The following RSPO3 variants were observed in gnomAD, a reference collection of about 807,000 sequenced individuals.
RSPO3 encodes R-spondin-3.
Under a neutral mutation model 36.5 loss-of-function variants are expected in RSPO3, and 17 were observed. That is an observed-to-expected ratio of 0.47 (90% CI 0.32 to 0.70). The LOEUF is 0.70. RSPO3 is among the 30% of genes least tolerant of loss of function. The pLI, the probability that RSPO3 is intolerant of heterozygous loss-of-function variation, is 0.04. For synonymous variants in RSPO3, 108 were observed against 107.0 expected (o/e 1.01, Z -0.06); for missense variants, 294 against 322.5 (o/e 0.91, Z 0.68).
chr6:127,130,836 GT>G (rs978299141), intron 1 of RSPO3, among the ~76,000 whole-genome samples: 7 of 151,256 alleles, frequency 4.6e-5, no homozygotes, highest in South Asian at 2.1e-4. Flanking sequence ...TTTATGATGA[GT>G]TTTTTTTTAT....
intron 1 of RSPO3, among the ~76,000 whole-genome samples, chr6:127,140,284 C>G (rs1774244348): frequency 6.6e-6 from 1 of 152,056 alleles, no homozygotes; most frequent in Non-Finnish European, 1.5e-5. Context: ...TTTATTCTTT[C>G]TTTGTTCTTA....
intron 4 of RSPO3, among the ~76,000 whole-genome samples, chr6:127,164,483 T>G (rs1774774356): frequency 6.6e-6 from 1 of 152,112 alleles, no homozygotes; most frequent in Non-Finnish European, 1.5e-5. Flanking sequence ...ACGTTCAGGA[T>G]AATGCTAAGA....
intron 1 of RSPO3, 93 bp downstream of exon 1, chr6:127,119,382 G>T: frequency 1.1e-6 from 1 of 885,100 alleles, no homozygotes; most frequent in Non-Finnish European, 1.9e-6. Context: ...CAACTGCAGC[G>T]GTCCTCCCGC....
intron 4 of RSPO3, among the ~76,000 whole-genome samples, chr6:127,176,738 G>A (rs190063890): frequency 3.3e-4 from 50 of 151,770 alleles, no homozygotes; most frequent in Non-Finnish European, 5.9e-4. Context: ...CTACTCCAGG[G>A]TTTTATAATT....
At chr6:127,182,357 C>T (rs1013208980) in intron 4 of RSPO3, among the ~76,000 whole-genome samples, 1 of 151,878 alleles carries the variant, frequency 6.6e-6, no homozygotes, top group South Asian at 2.1e-4. Flanking sequence ...GTTTACTTTG[C>T]TCAGAAAATA....
chr6:127,123,965 T>C (rs1444521622), intron 1 of RSPO3, among the ~76,000 whole-genome samples: 1 of 152,204 alleles, frequency 6.6e-6, no homozygotes, highest in African/African-American at 2.4e-5. Flanking sequence ...TTTTAGATTA[T>C]TTGAATCTGG....
At chr6:127,119,535 C>T (rs1483137195) in intron 1 of RSPO3, among the ~76,000 whole-genome samples, 1 of 152,236 alleles carries the variant, frequency 6.6e-6, no homozygotes, top group Non-Finnish European at 1.5e-5. Flanking sequence ...GTGGCTCCCG[C>T]CCCATGGTAA....
At chr6:127,161,010 C>A (rs1436275790) in intron 4 of RSPO3, among the ~76,000 whole-genome samples, 5 of 151,668 alleles carry the variant, frequency 3.3e-5, no homozygotes, top group Non-Finnish European at 5.9e-5. Flanking sequence ...TTCTTTCCCA[C>A]CACCTCCAAT....
intron 4 of RSPO3, among the ~76,000 whole-genome samples, chr6:127,164,183 A>C (rs1240894336): frequency 1.3e-5 from 2 of 152,088 alleles, no homozygotes; most frequent in Non-Finnish European, 2.9e-5. Flanking sequence ...ACTGTGGCAG[A>C]GGAATTGGGG....
At chr6:127,164,173 A>C (rs1205783549) in intron 4 of RSPO3, among the ~76,000 whole-genome samples, 1 of 152,058 alleles carries the variant, frequency 6.6e-6, no homozygotes, top group Non-Finnish European at 1.5e-5. Flanking sequence ...ACTTTGAATC[A>C]CTGTGGCAGA....
At chr6:127,129,349 G>A (rs1236045537) in intron 1 of RSPO3, among the ~76,000 whole-genome samples, 8 of 152,022 alleles carry the variant, frequency 5.3e-5, no homozygotes, top group Non-Finnish European at 4.4e-5. Context: ...CATAAACTGG[G>A]GAAAGTTCCA....
intron 4 of RSPO3, among the ~76,000 whole-genome samples, chr6:127,188,978 C>A (rs2114266146): frequency 6.6e-6 from 1 of 152,180 alleles, no homozygotes; most frequent in East Asian, 1.9e-4. Flanking sequence ...GTTAGGAACC[C>A]TCCTTATCCT....
At chr6:127,159,736 C>A (rs1182601693) in intron 4 of RSPO3, among the ~76,000 whole-genome samples, 4 of 149,496 alleles carry the variant, frequency 2.7e-5, no homozygotes, top group South Asian at 2.1e-4. Context: ...GCAACCTCTG[C>A]CTCCTGAGTT....
chr6:127,190,259 T>C (rs1490699119), intron 4 of RSPO3, among the ~76,000 whole-genome samples: 1 of 151,824 alleles, frequency 6.6e-6, no homozygotes, highest in East Asian at 1.9e-4. Context: ...CCAAACCCCA[T>C]CTCTACTAAA....
At chr6:127,173,252 G>T (rs1774978794) in intron 4 of RSPO3, among the ~76,000 whole-genome samples, 2 of 151,660 alleles carry the variant, frequency 1.3e-5, no homozygotes, top group African/African-American at 4.8e-5. Context: ...TTCCCCTTTT[G>T]CTTCAAATCA....
At chr6:127,131,387 T>A (rs975802805) in intron 1 of RSPO3, among the ~76,000 whole-genome samples, 5 of 152,138 alleles carry the variant, frequency 3.3e-5, no homozygotes, top group African/African-American at 4.8e-5. Context: ...GCCTCTGAAC[T>A]GAGTATGTGC....
chr6:127,165,870 T>C (rs544208473), intron 4 of RSPO3, among the ~76,000 whole-genome samples: 4 of 152,112 alleles, frequency 2.6e-5, no homozygotes, highest in African/African-American at 7.2e-5. Context: ...ACAAAAGCTG[T>C]ATTTTTAATA....
intron 1 of RSPO3, among the ~76,000 whole-genome samples, chr6:127,146,676 C>T (rs980717349): frequency 8.5e-5 from 13 of 152,196 alleles, no homozygotes; most frequent in African/African-American, 3.1e-4. Flanking sequence ...GATGGATTGG[C>T]ATGGACCAAT....
intron 1 of RSPO3, among the ~76,000 whole-genome samples, chr6:127,141,072 A>T (rs182164777): frequency 6.6e-6 from 1 of 152,336 alleles, no homozygotes; most frequent in Non-Finnish European, 1.5e-5. Flanking sequence ...CTTACTTATT[A>T]ACTGATGAAC....
Sources: allele counts gnomAD v4.1 joint callset (sites outside exome capture counted in the v4.1 genomes callset), GRCh38; gene constraint gnomAD v4.1.1; transcripts MANE v1.5; gene names NCBI Gene and HGNC (gene_info 2026-07-23, HGNC 2026-07-21).